ROBO2: variants seen among roughly 807,000 people sequenced by gnomAD.
ROBO2 encodes the protein roundabout guidance receptor 2, also known as roundabout homolog 2.
In ROBO2, 53 loss-of-function variants were observed where a neutral mutation model predicts 160.8. The ratio of observed to expected loss-of-function variants is 0.33; its 90% CI spans 0.26 to 0.41. ROBO2 has a LOEUF of 0.41. ROBO2 is among the 10% of genes least tolerant of loss of function. The probability of loss-of-function intolerance (pLI) is 1.00; values close to 1 mark genes in which losing one functional copy is unlikely to be tolerated. For missense variants in ROBO2, 1,577 were observed against 1,722.4 expected (o/e 0.92, Z 1.49); for synonymous variants, 664 against 611.7 (o/e 1.09, Z -1.26).
At chr3:76,059,725 C>T (rs186445498) in intron 2 of ROBO2, among the ~76,000 whole-genome samples, 84 of 152,222 alleles carry the variant, frequency 5.5e-4, no homozygotes, top group African/African-American at 1.9e-3. Flanking sequence ...AGTCCTTGCC[C>T]ATGCCTATGT....
chr3:76,269,253 C>T (rs550456657), intron 2 of ROBO2, among the ~76,000 whole-genome samples: 3 of 151,982 alleles, frequency 2.0e-5, no homozygotes, highest in South Asian at 2.1e-4. Flanking sequence ...ACATTGTATG[C>T]CTGGATCAAA....
chr3:77,002,555 T>G (rs1301342286), intron 2 of ROBO2, among the ~76,000 whole-genome samples: 1 of 152,006 alleles, frequency 6.6e-6, no homozygotes, highest in East Asian at 1.9e-4. Flanking sequence ...ATGATTCTAC[T>G]TATAGTTTAG....
intron 2 of ROBO2, among the ~76,000 whole-genome samples, chr3:76,276,817 A>G (rs1447254303): frequency 6.6e-6 from 1 of 152,020 alleles, no homozygotes; most frequent in Admixed American, 6.6e-5. Flanking sequence ...GATTTACATT[A>G]GTACTGTCCA....
At chr3:76,133,544 G>C (rs1305461286) in intron 2 of ROBO2, among the ~76,000 whole-genome samples, 1 of 152,060 alleles carries the variant, frequency 6.6e-6, no homozygotes, top group Non-Finnish European at 1.5e-5. Flanking sequence ...TGCAAGCTGA[G>C]GAGCCAGGAA....
At chr3:76,713,422 T>C (rs536598303) in intron 2 of ROBO2, among the ~76,000 whole-genome samples, 2 of 152,288 alleles carry the variant, frequency 1.3e-5, no homozygotes, top group East Asian at 3.9e-4. Flanking sequence ...TTTTTCTTAG[T>C]CACTTGGCTG....
At chr3:76,021,307 A>G (rs1367362460) in intron 2 of ROBO2, among the ~76,000 whole-genome samples, 4 of 151,804 alleles carry the variant, frequency 2.6e-5, no homozygotes, top group Non-Finnish European at 5.9e-5. Context: ...ATATTTTTTC[A>G]ACTATTTAAA....
At chr3:76,684,035 G>A (rs911964057) in intron 2 of ROBO2, among the ~76,000 whole-genome samples, 4 of 151,754 alleles carry the variant, frequency 2.6e-5, no homozygotes, top group African/African-American at 4.8e-5. Context: ...TTGTAACTGC[G>A]ATGCCAACTG....
At chr3:76,125,769 A>G (rs564951565) in intron 2 of ROBO2, among the ~76,000 whole-genome samples, 4 of 152,226 alleles carry the variant, frequency 2.6e-5, no homozygotes, top group African/African-American at 9.6e-5. Context: ...TGTTCAATTA[A>G]ACTAAATGGT....
chr3:76,040,434 C>T (rs1042145453), intron 2 of ROBO2, among the ~76,000 whole-genome samples: 3 of 151,794 alleles, frequency 2.0e-5, no homozygotes, highest in Admixed American at 1.3e-4. Context: ...CAAATAATTA[C>T]ATATTTTAAG....
At chr3:76,678,483 C>T (rs2092471121) in intron 2 of ROBO2, among the ~76,000 whole-genome samples, 1 of 151,962 alleles carries the variant, frequency 6.6e-6, no homozygotes, top group East Asian at 1.9e-4. Context: ...GATCAGGTTC[C>T]AAAGTTCTGC....
chr3:77,617,676 C>G (rs2094810756), exon 22 of ROBO2: 6 of 1,614,152 alleles, frequency 3.7e-6, no homozygotes, highest in Admixed American at 1.7e-5. Context: ...CACTGCAACT[C>G]TTACTCCATC....
chr3:76,375,365 C>A (rs2076291758), intron 2 of ROBO2, among the ~76,000 whole-genome samples: 1 of 151,976 alleles, frequency 6.6e-6, no homozygotes, highest in Non-Finnish European at 1.5e-5. Context: ...AACTTCGTAT[C>A]ACACTGTGGA....
At chr3:76,292,814 A>G (rs566967620) in intron 2 of ROBO2, among the ~76,000 whole-genome samples, 22 of 152,276 alleles carry the variant, frequency 1.4e-4, no homozygotes, top group African/African-American at 4.6e-4. Context: ...TTTCATTTCA[A>G]TTCATATCAT....
intron 4 of ROBO2, among the ~76,000 whole-genome samples, chr3:77,486,698 C>G (rs2085401275): frequency 6.6e-6 from 1 of 152,078 alleles, no homozygotes. Context: ...CAAATATTTT[C>G]TCCCGTTGTG....
chr3:76,439,647 T>A (rs2076834846), intron 2 of ROBO2, among the ~76,000 whole-genome samples: 1 of 152,182 alleles, frequency 6.6e-6, no homozygotes, highest in Admixed American at 6.5e-5. Context: ...TGAGGGCAAG[T>A]GCCTAGTATG....
chr3:76,948,886 ATATATATATATATATATATATATTTTT>A (rs2078747904), intron 2 of ROBO2, among the ~76,000 whole-genome samples: 1 of 20,596 alleles, frequency 4.9e-5, no homozygotes, highest in African/African-American at 2.1e-4. Flanking sequence ...ATATATATAT[ATATATATATATATATATATATATTTTT>A]TTTTTTTTTT....
Position 76,543,975 on chromosome 3 carries a change from A to G in ROBO2, c.110-554039A>G, listed in dbSNP as rs372587088. ...ATAATCCTTGGTGAAAAATCTGAAT[A>G]CATGCTCTTCATTTTCTTCTAATAC... On this transcript the variant is annotated intron_variant, in intron 2 of 26. Coordinates refer to the ROBO2 transcript ENST00000487694. 1.3e-4 allele frequency among the ~76,000 whole-genome samples: 20 copies of G among 152,152 alleles called. No individual in the cohort carries two copies. In the East Asian group the frequency reaches 3.5e-3, roughly 26 times the overall value.
At chr3:77,640,920 T>C (rs1428307427) in intron 24 of ROBO2, among the ~76,000 whole-genome samples, 2 of 152,218 alleles carry the variant, frequency 1.3e-5, no homozygotes, top group Non-Finnish European at 2.9e-5. Context: ...GAATTTTAGC[T>C]GCATAAGCAG....
intron 2 of ROBO2, among the ~76,000 whole-genome samples, chr3:77,278,948 C>A (rs780510077): frequency 6.6e-6 from 1 of 152,086 alleles, no homozygotes; most frequent in Non-Finnish European, 1.5e-5. Flanking sequence ...CATTAGTTAA[C>A]CGCTTACTAA....
Sources: allele counts gnomAD v4.1 joint callset (sites outside exome capture counted in the v4.1 genomes callset), GRCh38; gene constraint gnomAD v4.1.1; transcripts MANE v1.5; gene names NCBI Gene and HGNC (gene_info 2026-07-23, HGNC 2026-07-21).